The following FAT3 variants were observed in gnomAD, a reference collection of about 807,000 sequenced individuals.
The protein encoded by FAT3 is protocadherin Fat 3.
A neutral mutation model predicts 310.2 loss-of-function variants in FAT3; 95 were observed. The observed-to-expected ratio is 0.31, with a 90% CI of 0.26 to 0.36. FAT3 has a LOEUF of 0.36. Ranked by LOEUF, FAT3 falls within the 10% of genes least tolerant of loss-of-function variation. FAT3 has a pLI of 1.00. For synonymous variants in FAT3, 2,314 were observed against 2,192.9 expected (o/e 1.06, Z -1.54); for missense variants, 5,408 against 5,715.6 (o/e 0.95, Z 1.74).
intron 4 of FAT3, among the ~76,000 whole-genome samples, chr11:92,714,752 G>C (rs190466190): frequency 3.9e-5 from 6 of 152,070 alleles, no homozygotes; most frequent in African/African-American, 1.2e-4. Flanking sequence ...CTATCTACAG[G>C]TAGTTTTAAT....
chr11:92,226,922 C>T (rs933020990), intron 1 of FAT3, among the ~76,000 whole-genome samples: 1 of 152,184 alleles, frequency 6.6e-6, no homozygotes, highest in African/African-American at 2.4e-5. Flanking sequence ...TCTCCGCCCC[C>T]AGACTCTGGC....
At chr11:92,601,416 A>T (rs995013000) in intron 3 of FAT3, among the ~76,000 whole-genome samples, 1 of 152,030 alleles carries the variant, frequency 6.6e-6, no homozygotes, top group Admixed American at 6.6e-5. Context: ...CAAAAATACG[A>T]ATATACTGTC....
chr11:92,649,879 A>G lies in FAT3; in HGVS notation c.3608-47505A>G, dbSNP rs1310215755. 7.3e-3 allele frequency among the ~76,000 whole-genome samples: 350 copies of G among 47,864 alleles called. 8 individuals are homozygous for G. Among genetic ancestry groups the G allele is most frequent in the African/African-American group, 0.029 (337 of 11,690 alleles). 31.4% of individuals were successfully genotyped at this position (47,864 alleles called of 152,430 possible). The stretch of plus-strand genomic sequence containing the variant: ...AAACACCCACTTTGTATGTTCATAT[A>G]TATATATATATATATATATATATAT... On this transcript the variant is annotated intron_variant, in intron 3 of 27. Coordinates refer to ENST00000525166, the MANE Select transcript of FAT3 (RefSeq NM_001367949.2).
intron 2 of FAT3, among the ~76,000 whole-genome samples, chr11:92,480,488 T>C (rs1168831611): frequency 6.6e-6 from 1 of 152,172 alleles, no homozygotes; most frequent in Non-Finnish European, 1.5e-5. Flanking sequence ...TGAGTTTTTT[T>C]CTGGAATGCA....
intron 13 of FAT3, among the ~76,000 whole-genome samples, chr11:92,815,021 G>A (rs1947786500): frequency 6.6e-6 from 1 of 152,158 alleles, no homozygotes; most frequent in Admixed American, 6.5e-5. Context: ...AGAGGGAGGA[G>A]AGATTAATGA....
intron 2 of FAT3, among the ~76,000 whole-genome samples, chr11:92,521,975 C>G (rs767012029): frequency 4.6e-5 from 7 of 152,016 alleles, no homozygotes; most frequent in Non-Finnish European, 8.8e-5. Context: ...TCTGTGTTCT[C>G]CAAAGGACTG....
rs1815762 is a variant in FAT3, at chr11:92,240,569, A to C, written c.-18+15395A>C. 2.5e-3 allele frequency among the ~76,000 whole-genome samples: 357 copies of C among 141,080 alleles called. 7 individuals are homozygous for C. In the East Asian group the frequency reaches 0.035, roughly 14 times the overall value. 92.6% of individuals were successfully genotyped at this position (141,080 alleles called of 152,430 possible). A position where few individuals can be genotyped will look rare whatever the true frequency, so the allele number is the denominator to read the frequency against. On this transcript the variant is annotated intron_variant, in intron 1 of 27. Transcript: ENST00000525166. ...GCACAATTACTTGAAACAAAATGAAACCCCCCCAAAAAAAAAAAACCCAAA... is the reference window on the plus strand; with the variant it reads ...GCACAATTACTTGAAACAAAATGAACCCCCCCCAAAAAAAAAAAACCCAAA...
intron 3 of FAT3, among the ~76,000 whole-genome samples, chr11:92,697,124 T>A (rs777313871): frequency 1.3e-5 from 2 of 152,198 alleles, no homozygotes; most frequent in Admixed American, 1.3e-4. Flanking sequence ...AAACAGAAGT[T>A]TTTTTAGTGA....
rs1351239036 is a variant in FAT3, at chr11:92,224,854, G to A, written c.-338G>A. On this transcript the variant is annotated 5_prime_UTR_variant, in exon 1 of 28. Transcript: ENST00000525166. ...CGGCTGCAGCTCGGAGCAGACAGGA[G>A]AGCCGGCGCTCCTCCCCGCAGGCTG... 1.3e-5 allele frequency among the ~76,000 whole-genome samples: 2 copies of A among 152,072 alleles called. No homozygotes were observed. The highest frequency in any genetic ancestry group is 4.8e-5 in the African/African-American group (2 of 41,500).
intron 3 of FAT3, among the ~76,000 whole-genome samples, chr11:92,653,282 A>C (rs373087272): frequency 5.3e-5 from 8 of 152,144 alleles, no homozygotes; most frequent in African/African-American, 1.9e-4. Flanking sequence ...CCTCCTCCAT[A>C]AGACCTATTT....
At chr11:92,754,411 G>A (rs527826551) in intron 4 of FAT3, among the ~76,000 whole-genome samples, 2 of 151,612 alleles carry the variant, frequency 1.3e-5, no homozygotes, top group Non-Finnish European at 2.9e-5. Context: ...GGATCACGAG[G>A]TCAGGAGATC....
At chr11:92,284,315 G>A (rs931297176) in intron 1 of FAT3, among the ~76,000 whole-genome samples, 1 of 151,754 alleles carries the variant, frequency 6.6e-6, no homozygotes, top group Non-Finnish European at 1.5e-5. Flanking sequence ...TTGGGTAGAG[G>A]GTGGGGTTCA....
chr11:92,289,633 G>A (rs999791920), intron 1 of FAT3, among the ~76,000 whole-genome samples: 2 of 151,866 alleles, frequency 1.3e-5, no homozygotes, highest in African/African-American at 4.8e-5. Context: ...TCCAGAATCT[G>A]ACCACTTTTC....
At chr11:92,323,998 A>G (rs1162089797) in intron 1 of FAT3, among the ~76,000 whole-genome samples, 1 of 152,148 alleles carries the variant, frequency 6.6e-6, no homozygotes, top group African/African-American at 2.4e-5. Context: ...TCATGAATCA[A>G]CTTCTGCTAG....
At chr11:92,688,155 A>T (rs947553997) in intron 3 of FAT3, among the ~76,000 whole-genome samples, 1 of 152,090 alleles carries the variant, frequency 6.6e-6, no homozygotes, top group African/African-American at 2.4e-5. Flanking sequence ...AGCTATGATC[A>T]TGCCACTGCA....
intron 2 of FAT3, among the ~76,000 whole-genome samples, chr11:92,450,546 A>T (rs1951328893): frequency 1.3e-5 from 2 of 152,170 alleles, no homozygotes; most frequent in Admixed American, 1.3e-4. Context: ...ACAAGACTGG[A>T]AACAATTAGC....
intron 3 of FAT3, among the ~76,000 whole-genome samples, chr11:92,637,860 A>C (rs1941822728): frequency 6.6e-6 from 1 of 152,244 alleles, no homozygotes; most frequent in African/African-American, 2.4e-5. Context: ...TGGTTTTCAA[A>C]ATAAATGAAC....
At chr11:92,574,566 A>C (rs569219894) in intron 3 of FAT3, among the ~76,000 whole-genome samples, 176 of 152,224 alleles carry the variant, frequency 1.2e-3, no homozygotes, top group African/African-American at 4.0e-3. Context: ...TAACAGGGGG[A>C]GGAAGCAGCT....
chr11:92,559,168 T>C, intron 3 of FAT3, among the ~76,000 whole-genome samples: 1 of 152,134 alleles, frequency 6.6e-6, no homozygotes, highest in Middle Eastern at 3.2e-3. Flanking sequence ...GTCATTCACA[T>C]ACCATACAAT....
Sources: gnomAD v4.1 joint callset for allele counts (sites outside exome capture counted in the v4.1 genomes callset) on GRCh38, gnomAD v4.1.1 for gene constraint, MANE v1.5 for transcripts, NCBI Gene and HGNC (gene_info 2026-07-23, HGNC 2026-07-21) for gene names.